Variants in CSF1R observed in about 807,000 individuals in gnomAD.
CSF1R encodes macrophage colony-stimulating factor 1 receptor.
In CSF1R, 40 loss-of-function variants were observed where a neutral mutation model predicts 110.0. The ratio of observed to expected loss-of-function variants is 0.36; its 90% confidence interval spans 0.28 to 0.47. The LOEUF (loss-of-function observed/expected upper bound fraction) is 0.47. Among genes scored for constraint, CSF1R ranks in the 20% least tolerant of loss-of-function variants. The pLI, the probability that CSF1R is intolerant of heterozygous loss-of-function variation, is 0.99. For synonymous variants in CSF1R, 523 were observed against 503.4 expected (o/e 1.04, Z -0.52); for missense variants, 1,052 against 1,253.0 (o/e 0.84, Z 2.42).
chr5:150,059,956 T>G lies in CSF1R; in HGVS notation c.1970-94A>C, dbSNP rs111394783. ...CTGGGGGCAGTGAGGCCACTGGACTTGGACTCAGCATAGCTGAGTTCTAAC... is the reference window on the plus strand; with the variant it reads ...CTGGGGGCAGTGAGGCCACTGGACTGGGACTCAGCATAGCTGAGTTCTAAC... On this transcript the variant is annotated intron_variant, in intron 13 of 20. Transcript: ENST00000675795. 7.4e-4 allele frequency: 1,044 copies of G among 1,412,140 alleles called. 17 individuals carry two copies. In the African/African-American group the frequency reaches 0.013, roughly 17 times the overall value. 87.5% of individuals were successfully genotyped at this position (1,412,140 alleles called of 1,614,324 possible).
intron 5 of CSF1R, among the ~76,000 whole-genome samples, chr5:150,074,749 G>A (rs191426856): frequency 2.1e-3 from 316 of 152,164 alleles, no homozygotes; most frequent in African/African-American, 6.9e-3. Context: ...CCTCTATGGA[G>A]TCCCATTGCC....
chr5:150,082,948 G>C (rs574105376), intron 1 of CSF1R, among the ~76,000 whole-genome samples: 15 of 152,260 alleles, frequency 9.9e-5, no homozygotes, highest in Admixed American at 8.5e-4. Flanking sequence ...ACACCTTACA[G>C]TGGGCTTCTC....
At chr5:150,084,430 GGAA>G in intron 1 of CSF1R, among the ~76,000 whole-genome samples, 1 of 64,474 alleles carries the variant, frequency 1.6e-5, no homozygotes, top group Non-Finnish European at 3.0e-5. Context: ...AAGGAAGGAA[GGAA>G]GGAAGGAAGG....
rs573506110 is a variant in CSF1R at position 150,056,838 on chromosome 5, A to C, written c.2319+449T>G. Among the ~76,000 whole-genome samples, 5 of 152,268 alleles carry C rather than the reference A, an allele frequency of 3.3e-5. No individual in the cohort carries two copies. In the South Asian group the frequency reaches 1.0e-3, roughly 32 times the overall value. On this transcript the variant is annotated intron_variant, in intron 16 of 20. Coordinates refer to ENST00000675795, the MANE Select transcript of CSF1R (RefSeq NM_001288705.3). ...GGAGCAGGTGGCAGAGCCAACAATCAAACCACTGACTCCCGAATCTGTTCT... is the reference window on the plus strand; with the variant it reads ...GGAGCAGGTGGCAGAGCCAACAATCCAACCACTGACTCCCGAATCTGTTCT...
chr5:150,108,505 G>A lies in CSF1R; in HGVS notation c.-181+4756C>T, dbSNP rs538795248. On this transcript the variant is annotated intron_variant, in intron 1 of 21. Coordinates refer to the CSF1R transcript ENST00000286301. ...AGGAGTCTCGACTTTGCTGGGCCAC[G>A]GGGAGCCACTGAAGATGTTTGAGCA... 3.3e-5 allele frequency among the ~76,000 whole-genome samples: 5 copies of A among 152,254 alleles called. No homozygotes were observed. The East Asian group carries it at 7.7e-4, about 24-fold the overall frequency.
chr5:150,056,626 G>A (rs552799693), intron 16 of CSF1R, among the ~76,000 whole-genome samples: 26 of 152,250 alleles, frequency 1.7e-4, no homozygotes, highest in South Asian at 1.0e-3. Context: ...CCCCAGAAGC[G>A]AAGGGCTTCC....
chr5:150,069,847 G>C (rs768538646), intron 9 of CSF1R, 26 bp downstream of exon 9: 1 of 1,564,796 alleles, frequency 6.4e-7, no homozygotes, highest in Admixed American at 1.7e-5. Flanking sequence ...CGGGGGGGCG[G>C]TGCGGGTGCG....
At chr5:150,061,112 G>A in intron 12 of CSF1R, 140 bp from the exon 13 acceptor site, 4 of 600,276 alleles carry the variant, frequency 6.7e-6, no homozygotes, top group Non-Finnish European at 1.2e-5. Flanking sequence ...GAAGCCAAAA[G>A]AAGGAGAAGG....
In CSF1R at chr5:150,069,857, G is replaced by A. The variant is rs200626267; in HGVS notation, c.1510+16C>T. On this transcript the variant is annotated intron_variant, in intron 9 of 20. Coordinates refer to ENST00000675795, the MANE Select transcript of CSF1R (RefSeq NM_001288705.3). ...GCGGGCGGGGGGGCGGTGCGGGTGC[G>A]AAGGCTCCCTCTCACCTGCAGAGAT... 1,833 of 1,588,430 alleles carry A rather than the reference G, an allele frequency of 1.2e-3. 21 individuals carry two copies. In the South Asian group the frequency reaches 0.017, roughly 14 times the overall value.
rs1357464738 is a variant in CSF1R, at chr5:150,057,488, C to T, written c.2221+16G>A. 3 of 1,613,708 alleles carry T rather than the reference C, an allele frequency of 1.9e-6. No homozygotes were observed. The highest frequency in any genetic ancestry group is 2.5e-6 in the Non-Finnish European group (3 of 1,179,594). ...TGTTATCAAGCAAATGGGGCCTGGCCCTGGGACCTCCTCACCTTGCTCAGA... is the reference window on the plus strand; with the variant it reads ...TGTTATCAAGCAAATGGGGCCTGGCTCTGGGACCTCCTCACCTTGCTCAGA... On this transcript the variant is annotated intron_variant, in intron 15 of 20. Transcript: ENST00000675795.
intron 1 of CSF1R, among the ~76,000 whole-genome samples, chr5:150,093,722 C>G (rs1759118921): frequency 6.6e-6 from 1 of 152,174 alleles, no homozygotes; most frequent in South Asian, 2.1e-4. Context: ...GTGATCATTA[C>G]ACAATATACA....
chr5:150,091,389 T>C (rs1391443010), upstream of CSF1R, among the ~76,000 whole-genome samples: 1 of 152,212 alleles, frequency 6.6e-6, no homozygotes, highest in Non-Finnish European at 1.5e-5. Flanking sequence ...AGTTGACAGC[T>C]AAACAAAATG....
chr5:150,086,246 A>G, intron 1 of CSF1R, 133 bp downstream of exon 1: 1 of 823,854 alleles, frequency 1.2e-6, no homozygotes, highest in Non-Finnish European at 2.0e-6. Context: ...AGATACCCAC[A>G]AGCCTGCAGT....
chr5:150,070,799 C>T lies in CSF1R; in HGVS notation c.1083-228G>A, dbSNP rs117395118. On this transcript the variant is annotated intron_variant, in intron 6 of 20. Transcript: ENST00000675795. Reference sequence around the variant, plus strand: ...TTCTTATCTGAAAGTGTTTTTTTCCCGAGGTTTAATAGAGGTGATGTCTTC... The same window carrying T: ...TTCTTATCTGAAAGTGTTTTTTTCCTGAGGTTTAATAGAGGTGATGTCTTC... Among the ~76,000 whole-genome samples the T allele has an allele frequency of 3.5e-4, 54 of 152,228 alleles. 1 individual carries two copies. In the East Asian group the frequency reaches 9.5e-3, roughly 27 times the overall value.
intron 13 of CSF1R, among the ~76,000 whole-genome samples, chr5:150,060,257 G>A (rs1217153299): frequency 2.0e-5 from 3 of 151,320 alleles, no homozygotes; most frequent in Non-Finnish European, 2.9e-5. Context: ...AACCTGGGAG[G>A]CAGAGGTTGC....
intron 1 of CSF1R, among the ~76,000 whole-genome samples, chr5:150,096,455 G>A (rs543101564): frequency 6.6e-6 from 1 of 152,288 alleles, no homozygotes; most frequent in South Asian, 2.1e-4. Context: ...ATATAGCATA[G>A]GAGAGATGAC....
rs756779459 is a variant in CSF1R at position 150,054,030 on chromosome 5, T to C, written c.*39A>G. 46 of 1,603,432 alleles carry C rather than the reference T, an allele frequency of 2.9e-5. No individual in the cohort carries two copies. The Middle Eastern group carries it at 8.3e-4, about 29-fold the overall frequency. On this transcript the variant is annotated 3_prime_UTR_variant, in exon 21 of 21. Coordinates refer to ENST00000675795, the MANE Select transcript of CSF1R (RefSeq NM_001288705.3). Reference sequence around the variant, plus strand: ...GCCCCATCCATGGAGGAGTTGAAGTTTGTGGGAGGGGAGAGTGGTACTCCC... The same window carrying C: ...GCCCCATCCATGGAGGAGTTGAAGTCTGTGGGAGGGGAGAGTGGTACTCCC...
chr5:150,063,442 G>T (rs923312900), intron 10 of CSF1R, among the ~76,000 whole-genome samples: 1 of 152,044 alleles, frequency 6.6e-6, no homozygotes, highest in African/African-American at 2.4e-5. Context: ...AAACTCCTGG[G>T]CTCAAGCAAT....
At chr5:150,059,097 T>C (rs771321285) in intron 14 of CSF1R, among the ~76,000 whole-genome samples, 1 of 152,052 alleles carries the variant, frequency 6.6e-6, no homozygotes, top group Non-Finnish European at 1.5e-5. Flanking sequence ...CAGGCTGGAG[T>C]GCAATGGTGT....
Sources: gnomAD v4.1 joint callset for allele counts (sites outside exome capture counted in the v4.1 genomes callset) on GRCh38, gnomAD v4.1.1 for gene constraint, MANE v1.5 for transcripts, NCBI Gene and HGNC (gene_info 2026-07-23, HGNC 2026-07-21) for gene names.